MYCT1: variants seen among roughly 807,000 people sequenced by gnomAD.
MYCT1 encodes myc target protein 1.
MYCT1 carries 12 observed loss-of-function variants against 15.0 expected under a neutral mutation model. The observed-to-expected ratio is 0.80, with a 90% CI of 0.51 to 1.29. MYCT1 has a LOEUF of 1.29. Among genes scored for constraint, MYCT1 ranks in the 50% most tolerant of loss-of-function variants. The probability of loss-of-function intolerance (pLI) is 0.00; values close to 1 mark genes in which losing one functional copy is unlikely to be tolerated. For missense variants in MYCT1, 287 were observed against 279.1 expected (o/e 1.03, Z -0.20); for synonymous variants, 104 against 102.7 (o/e 1.01, Z -0.07).
At chr6:152,713,588 T>C (rs1424489690) in intron 1 of MYCT1, among the ~76,000 whole-genome samples, 3 of 152,192 alleles carry the variant, frequency 2.0e-5, no homozygotes, top group Non-Finnish European at 1.5e-5. Flanking sequence ...CAGAAACCTA[T>C]AAAGCCTGTC....
intron 1 of MYCT1, among the ~76,000 whole-genome samples, chr6:152,717,087 C>T (rs1412296595): frequency 6.6e-6 from 1 of 151,926 alleles, no homozygotes; most frequent in African/African-American, 2.4e-5. Context: ...AAATTTAAAG[C>T]TGTATGACCA....
chr6:152,741,309 G>A, the MYCT1 span, among the ~76,000 whole-genome samples: 1 of 152,068 alleles, frequency 6.6e-6, no homozygotes, highest in African/African-American at 2.4e-5. Flanking sequence ...TTTCACATAA[G>A]AACATTTCCA....
intron 1 of MYCT1, among the ~76,000 whole-genome samples, chr6:152,719,561 G>C (rs957542608): frequency 6.6e-6 from 1 of 152,080 alleles, no homozygotes; most frequent in Non-Finnish European, 1.5e-5. Context: ...AATGTGCCTG[G>C]GAACTTTGCA....
intron 1 of MYCT1, among the ~76,000 whole-genome samples, chr6:152,700,527 A>T (rs922934199): frequency 6.6e-6 from 1 of 152,166 alleles, no homozygotes; most frequent in African/African-American, 2.4e-5. Context: ...ATCACCCACT[A>T]AAACTTCCTA....
chr6:152,716,584 A>T (rs2099723725), intron 1 of MYCT1, among the ~76,000 whole-genome samples: 1 of 152,180 alleles, frequency 6.6e-6, no homozygotes, highest in African/African-American at 2.4e-5. Context: ...AATCATATTC[A>T]ATATTACAAT....
At chr6:152,716,386 A>G (rs1252474318) in intron 1 of MYCT1, among the ~76,000 whole-genome samples, 1 of 152,306 alleles carries the variant, frequency 6.6e-6, no homozygotes, top group East Asian at 1.9e-4. Context: ...TGCTTTGGTG[A>G]ACATTGAACT....
the MYCT1 span, among the ~76,000 whole-genome samples, chr6:152,740,051 A>G: frequency 3.9e-5 from 6 of 151,904 alleles, no homozygotes; most frequent in East Asian, 1.2e-3. Flanking sequence ...TATTATTATT[A>G]TTGTTATTAT....
intron 1 of MYCT1, among the ~76,000 whole-genome samples, chr6:152,714,305 CTTTT>C (rs5880998): frequency 2.1e-3 from 255 of 120,020 alleles, no homozygotes; most frequent in African/African-American, 7.4e-3. Context: ...TTTTCTTTTT[CTTTT>C]TTTTTTTTTT....
rs187811074 is a variant in MYCT1 at position 152,702,705 on chromosome 6, T to G, written c.196+4607T>G. On this transcript the variant is annotated intron_variant, in intron 1 of 1. Transcript: ENST00000367245. ...ATGTCCCAAGAATTTCCACTATATC[T>G]TCCCCAAATTTGGAAACAAATACTA... Among the ~76,000 whole-genome samples the G allele has an allele frequency of 1.6e-4, 25 of 152,342 alleles. No homozygotes were observed. In the East Asian group the frequency reaches 4.6e-3, roughly 28 times the overall value.
intron 1 of MYCT1, among the ~76,000 whole-genome samples, chr6:152,715,873 G>T (rs181199428): frequency 6.6e-6 from 1 of 152,180 alleles, no homozygotes; most frequent in African/African-American, 2.4e-5. Context: ...CCCAAAGGAA[G>T]AGTAGAGGAG....
intron 1 of MYCT1, among the ~76,000 whole-genome samples, chr6:152,708,700 A>G (rs1024288170): frequency 2.6e-5 from 4 of 152,228 alleles, no homozygotes; most frequent in Admixed American, 2.6e-4. Context: ...AGAGTCTTCT[A>G]TATTTACTCT....
At chr6:152,733,745 GA>G in the MYCT1 span, among the ~76,000 whole-genome samples, 9 of 152,170 alleles carry the variant, frequency 5.9e-5, no homozygotes, top group Non-Finnish European at 1.3e-4. Flanking sequence ...GAGCTGGCAA[GA>G]AGGACTTGGG....
chr6:152,722,866 G>T lies in MYCT1; in HGVS notation c.*613G>T. 4.0e-6 allele frequency: 1 copy of T among 252,666 alleles called. No individual in the cohort carries two copies. The highest frequency in any genetic ancestry group is 4.0e-5 in the South Asian group (1 of 25,230). The allele number at this position is 252,666 out of a possible 1,614,324, so 15.7% of individuals were successfully genotyped here. A position where few individuals can be genotyped will look rare whatever the true frequency, so the allele number is the denominator to read the frequency against. On this transcript the variant is annotated 3_prime_UTR_variant, in exon 2 of 2. Coordinates refer to ENST00000367245, the MANE Select transcript of MYCT1 (RefSeq NM_025107.3). ...TAATCCTCCCATCTTAGTGCCCCAAGTAGCTGGGACTACAGGGGTGCACTA... is the reference window on the plus strand; with the variant it reads ...TAATCCTCCCATCTTAGTGCCCCAATTAGCTGGGACTACAGGGGTGCACTA...
At chr6:152,743,066 T>C in the MYCT1 span, among the ~76,000 whole-genome samples, 3 of 151,194 alleles carry the variant, frequency 2.0e-5, no homozygotes, top group African/African-American at 7.3e-5. Context: ...GTTGTTGTTG[T>C]TGTTGTTTTG....
intron 1 of MYCT1, among the ~76,000 whole-genome samples, chr6:152,703,029 A>G (rs1056045457): frequency 6.6e-6 from 1 of 152,212 alleles, no homozygotes; most frequent in African/African-American, 2.4e-5. Context: ...AAAGTGGCCT[A>G]TAACTGTCCT....
chr6:152,730,252 A>C, the MYCT1 span, among the ~76,000 whole-genome samples: 1 of 152,174 alleles, frequency 6.6e-6, no homozygotes, highest in Non-Finnish European at 1.5e-5. Context: ...CCATCTTAGA[A>C]GTTCCAAGGG....
At chr6:152,741,002 A>T in the MYCT1 span, among the ~76,000 whole-genome samples, 1 of 152,190 alleles carries the variant, frequency 6.6e-6, no homozygotes, top group Non-Finnish European at 1.5e-5. Context: ...TATAGAATTT[A>T]AGAAGTGTGG....
At chr6:152,720,209 C>T (rs2129070501) in intron 1 of MYCT1, among the ~76,000 whole-genome samples, 1 of 151,934 alleles carries the variant, frequency 6.6e-6, no homozygotes, top group Middle Eastern at 3.4e-3. Flanking sequence ...ATCTGGCAGG[C>T]TAGTCTGGCC....
At chr6:152,738,739 C>T in the MYCT1 span, among the ~76,000 whole-genome samples, 3 of 152,048 alleles carry the variant, frequency 2.0e-5, no homozygotes, top group Admixed American at 2.0e-4. Flanking sequence ...TGGATTAGCA[C>T]ATTTAGCTAC....
Sources: gnomAD v4.1 joint callset for allele counts (sites outside exome capture counted in the v4.1 genomes callset) on GRCh38, gnomAD v4.1.1 for gene constraint, MANE v1.5 for transcripts, NCBI Gene and HGNC (gene_info 2026-07-23, HGNC 2026-07-21) for gene names.